The following FLI1 variants were observed in gnomAD, a reference collection of about 807,000 sequenced individuals.
The protein encoded by FLI1 is Friend leukemia integration 1 transcription factor.
FLI1 carries 13 observed loss-of-function variants against 53.1 expected under a neutral mutation model. The ratio of observed to expected loss-of-function variants is 0.24; its 90% confidence interval spans 0.16 to 0.39. The LOEUF is 0.39. Among genes scored for constraint, FLI1 ranks in the 10% least tolerant of loss-of-function variants. The probability of loss-of-function intolerance (pLI) is 1.00; values close to 1 mark genes in which losing one functional copy is unlikely to be tolerated. For synonymous variants in FLI1, 244 were observed against 236.7 expected, an observed-to-expected ratio of 1.03 and a Z score of -0.28; for missense variants, 424 against 600.5, an observed-to-expected ratio of 0.71 and a Z score of 3.07.
chr11:128,717,888 T>G (rs1012443376), intron 1 of FLI1, among the ~76,000 whole-genome samples: 1 of 152,228 alleles, frequency 6.6e-6, no homozygotes, highest in Non-Finnish European at 1.5e-5. Context: ...TTCTAGTCCC[T>G]GAATAGAGGA....
Position 128,768,267 on chromosome 11 carries a change from C to T in FLI1, c.380C>T (p.Pro127Leu). 6.2e-7 allele frequency: 1 copy of T among 1,613,926 alleles called. No homozygotes were observed. The highest frequency in any genetic ancestry group is 8.5e-7 in the Non-Finnish European group (1 of 1,179,890). Reference protein sequence around the residue: ...MTTNERRVIVPADPTLWTQEH... With the variant: ...MTTNERRVIVLADPTLWTQEH... ...ACCAACGAGAGGAGAGTCATCGTCCCCGCAGGTAATTCGAGAACCAGGCTG... is the reference window on the plus strand; with the variant it reads ...ACCAACGAGAGGAGAGTCATCGTCCTCGCAGGTAATTCGAGAACCAGGCTG... The change falls in exon 3 of 9, where the codon CCC becomes CTC. Residue 127 changes from proline to leucine, a missense_variant. By Grantham distance (98) the Pro-to-Leu change is moderately conservative. Coordinates refer to ENST00000527786, the MANE Select transcript of FLI1 (RefSeq NM_002017.5).
intron 2 of FLI1, among the ~76,000 whole-genome samples, chr11:128,762,106 C>A (rs930072955): frequency 1.3e-5 from 2 of 152,118 alleles, no homozygotes; most frequent in Admixed American, 6.5e-5. Context: ...TACAGTGGAA[C>A]CATGTCAGAC....
Position 128,761,136 on chromosome 11 carries a change from G to A in FLI1, c.230+2810G>A, listed in dbSNP as rs115228231. ...CCTCCCTCCCACTTCTTCCCTCCGC[G>A]CCAGCCTCATAAGACTCTAGCTGCT... On this transcript the variant is annotated intron_variant, in intron 2 of 8. Coordinates refer to ENST00000527786, the MANE Select transcript of FLI1 (RefSeq NM_002017.5). Among the ~76,000 whole-genome samples, 586 of 151,978 alleles carry A rather than the reference G, an allele frequency of 3.9e-3. 5 individuals are homozygous for A. Among genetic ancestry groups the A allele is most frequent in the African/African-American group, 0.013 (553 of 41,426 alleles).
At chr11:128,745,545 G>A (rs986652308) in intron 1 of FLI1, among the ~76,000 whole-genome samples, 7 of 152,174 alleles carry the variant, frequency 4.6e-5, no homozygotes, top group African/African-American at 1.7e-4. Context: ...TGACTTGATG[G>A]GCCTGAGGTC....
intron 1 of FLI1, among the ~76,000 whole-genome samples, chr11:128,687,272 T>C (rs1215026836): frequency 1.3e-5 from 2 of 152,018 alleles, no homozygotes; most frequent in Admixed American, 6.5e-5. Context: ...GTTTTGGTTT[T>C]TTTTTTTCTT....
At chr11:128,781,205 G>T (rs1941904877) in intron 4 of FLI1, among the ~76,000 whole-genome samples, 1 of 151,930 alleles carries the variant, frequency 6.6e-6, no homozygotes, top group African/African-American at 2.4e-5. Context: ...GGAAGCAAAA[G>T]TTCCTATTGG....
In FLI1 at chr11:128,810,335, C is replaced by T; in HGVS notation, c.830-124C>T. 1 of 961,670 alleles carries T rather than the reference C, an allele frequency of 1.0e-6. No homozygotes were observed. Among genetic ancestry groups the T allele is most frequent in the African/African-American group, 1.7e-5 (1 of 60,300 alleles). 59.6% of individuals were successfully genotyped at this position (961,670 alleles called of 1,614,324 possible). A position where few individuals can be genotyped will look rare whatever the true frequency, so the allele number is the denominator to read the frequency against. ...TAAGAAGGGCTTGTCAAGTCGATCC[C>T]AATGTCGAAGGAAACAAAAGGTTTC... On this transcript the variant is annotated intron_variant, in intron 8 of 8. Transcript: ENST00000527786. The surrounding 1 kb of genome is among the most constrained non-coding windows in gnomAD (Gnocchi z 6.6).
intron 1 of FLI1, among the ~76,000 whole-genome samples, chr11:128,688,763 A>C (rs1296442279): frequency 6.6e-6 from 1 of 152,136 alleles, no homozygotes; most frequent in Non-Finnish European, 1.5e-5. Flanking sequence ...GGAGAGAGGG[A>C]AGAGGGTGAC....
intron 1 of FLI1, among the ~76,000 whole-genome samples, chr11:128,757,022 A>G (rs559125655): frequency 6.6e-6 from 1 of 151,242 alleles, no homozygotes; most frequent in African/African-American, 2.4e-5. Flanking sequence ...AGCTGGGCAC[A>G]TGCCACCATA....
intron 3 of FLI1, among the ~76,000 whole-genome samples, chr11:128,769,807 C>T (rs529724087): frequency 3.9e-5 from 6 of 152,252 alleles, no homozygotes; most frequent in Admixed American, 2.0e-4. Flanking sequence ...TTACTTAAAA[C>T]ACCTGTCACA....
chr11:128,745,205 G>A (rs1198179176), intron 1 of FLI1, among the ~76,000 whole-genome samples: 1 of 152,148 alleles, frequency 6.6e-6, no homozygotes, highest in African/African-American at 2.4e-5. Flanking sequence ...AGGAGGTTGA[G>A]CAAGAAAGAG....
intron 3 of FLI1, among the ~76,000 whole-genome samples, chr11:128,771,074 C>T (rs1345579671): frequency 1.3e-5 from 2 of 152,180 alleles, no homozygotes; most frequent in African/African-American, 4.8e-5. Flanking sequence ...AGCGATGGGG[C>T]TTTGGGCAAA....
At position 128,780,697 on chromosome 11, in the gene FLI1, G is replaced by A. The variant is rs186990553; in HGVS notation, c.590-1261G>A. Among the ~76,000 whole-genome samples the A allele has an allele frequency of 3.9e-3, 598 of 152,336 alleles. 1 individual carries two copies. The highest frequency in any genetic ancestry group is 0.011 in the African/African-American group (438 of 41,578). On this transcript the variant is annotated intron_variant, in intron 4 of 8. Transcript: ENST00000527786. ...CCAAACGCCCACAGCTGGGTGAGGC[G>A]GCAACTCCATTTCGGCATCCCTTCC... is the stretch of plus-strand genomic sequence containing the variant.
intron 1 of FLI1, among the ~76,000 whole-genome samples, chr11:128,722,065 C>G (rs371286822): frequency 3.9e-5 from 6 of 152,098 alleles, no homozygotes; most frequent in African/African-American, 1.4e-4. Context: ...AGACCCACCC[C>G]GCAGAAACCT....
At chr11:128,704,432 A>T (rs1404875146) in intron 1 of FLI1, among the ~76,000 whole-genome samples, 2 of 152,044 alleles carry the variant, frequency 1.3e-5, no homozygotes, top group Non-Finnish European at 2.9e-5. Flanking sequence ...GCCTGACGCC[A>T]CTCTGGGGTC....
At chr11:128,788,268 A>G (rs519036) in intron 5 of FLI1, among the ~76,000 whole-genome samples, 59,620 of 151,584 alleles carry the variant, frequency 0.39, 13,364 homozygotes, top group African/African-American at 0.64. Flanking sequence ...TCAGAAGTTC[A>G]AGACCAGCTT....
intron 1 of FLI1, among the ~76,000 whole-genome samples, chr11:128,688,516 C>A (rs538736199): frequency 2.6e-5 from 4 of 152,318 alleles, no homozygotes; most frequent in Non-Finnish European, 4.4e-5. Context: ...AAGCCCCTGC[C>A]GTTGTCCGGC....
chr11:128,790,393 T>A (rs768398384), intron 5 of FLI1, among the ~76,000 whole-genome samples: 32 of 152,060 alleles, frequency 2.1e-4, no homozygotes, highest in Non-Finnish European at 3.7e-4. Context: ...TCGTTGTCTC[T>A]AAGCTGGAGC....
At chr11:128,733,967 C>A (rs924081829) in intron 1 of FLI1, among the ~76,000 whole-genome samples, 7 of 152,210 alleles carry the variant, frequency 4.6e-5, no homozygotes, top group African/African-American at 1.7e-4. Flanking sequence ...CGACAGAGCA[C>A]ATGATTATGA....
Sources: allele counts gnomAD v4.1 joint callset (sites outside exome capture counted in the v4.1 genomes callset), GRCh38; gene constraint gnomAD v4.1.1; non-coding constraint Gnocchi (gnomAD v3.1); transcripts MANE v1.5; gene names NCBI Gene and HGNC (gene_info 2026-07-23, HGNC 2026-07-21).